Variants in CCDC7 observed in about 807,000 individuals in gnomAD.
CCDC7 encodes the protein coiled-coil domain-containing protein 7.
A neutral mutation model predicts 196.9 loss-of-function variants in CCDC7; 183 were observed. That is an observed-to-expected ratio of 0.93 (90% CI 0.82 to 1.05). The LOEUF is 1.05. CCDC7 is among the 50% of genes least tolerant of loss of function. The pLI is 0.00. For missense variants in CCDC7, 1,540 were observed against 1,482.2 expected, an observed-to-expected ratio of 1.04 and a Z score of -0.64; for synonymous variants, 525 against 484.6, an observed-to-expected ratio of 1.08 and a Z score of -1.10.
At chr10:32,620,536 T>G (rs985065833) in intron 18 of CCDC7, among the ~76,000 whole-genome samples, 1 of 152,108 alleles carries the variant, frequency 6.6e-6, no homozygotes, top group African/African-American at 2.4e-5. Context: ...TCCTCCGTAA[T>G]TCTGGTACTT....
At chr10:32,712,014 G>C (rs1412339264) in intron 25 of CCDC7, among the ~76,000 whole-genome samples, 7 of 152,148 alleles carry the variant, frequency 4.6e-5, no homozygotes, top group Admixed American at 1.3e-4. Context: ...CCTCTCATCT[G>C]CTGCTGGCCA....
intron 13 of CCDC7, among the ~76,000 whole-genome samples, chr10:32,555,976 G>T (rs1403943489): frequency 2.6e-5 from 4 of 152,158 alleles, no homozygotes; most frequent in Non-Finnish European, 4.4e-5. Context: ...ATCCCTAGTA[G>T]CAAGAGATTA....
intron 8 of CCDC7, among the ~76,000 whole-genome samples, chr10:32,476,674 C>T (rs1212186574): frequency 1.3e-5 from 2 of 152,156 alleles, no homozygotes; most frequent in African/African-American, 4.8e-5. Flanking sequence ...TGCATTCCCC[C>T]CTGCAATTGA....
At chr10:32,477,737 T>C (rs1296987741) in intron 8 of CCDC7, among the ~76,000 whole-genome samples, 1 of 152,206 alleles carries the variant, frequency 6.6e-6, no homozygotes, top group African/African-American at 2.4e-5. Flanking sequence ...CATGTCTTGA[T>C]TACTTTAGCT....
chr10:32,743,704 G>A (rs994921384), intron 28 of CCDC7, among the ~76,000 whole-genome samples: 1 of 151,962 alleles, frequency 6.6e-6, no homozygotes, highest in Non-Finnish European at 1.5e-5. Context: ...GTTTATTGCG[G>A]CACTATTCAC....
At chr10:32,595,349 G>A (rs942759801) in intron 18 of CCDC7, among the ~76,000 whole-genome samples, 1 of 152,182 alleles carries the variant, frequency 6.6e-6, no homozygotes, top group African/African-American at 2.4e-5. Flanking sequence ...GATGTTTGTA[G>A]TATTCTCTGA....
chr10:32,661,654 A>T (rs2071476962), intron 20 of CCDC7, among the ~76,000 whole-genome samples: 1 of 151,994 alleles, frequency 6.6e-6, no homozygotes, highest in Non-Finnish European at 1.5e-5. Context: ...TTGGCCCAGG[A>T]TGTGTCTAGA....
intron 31 of CCDC7, among the ~76,000 whole-genome samples, chr10:32,824,130 T>C (rs1188365402): frequency 6.6e-6 from 1 of 152,092 alleles, no homozygotes; most frequent in East Asian, 1.9e-4. Context: ...CCCTACAACA[T>C]ATATATGTTC....
chr10:32,664,942 G>A (rs2072324397), intron 21 of CCDC7, among the ~76,000 whole-genome samples: 1 of 151,994 alleles, frequency 6.6e-6, no homozygotes, highest in Non-Finnish European at 1.5e-5. Flanking sequence ...CAGTGTACAA[G>A]TGTTCCCTTC....
chr10:32,693,530 T>C (rs1044763688), intron 23 of CCDC7, among the ~76,000 whole-genome samples: 4 of 152,196 alleles, frequency 2.6e-5, no homozygotes, highest in Non-Finnish European at 5.9e-5. Flanking sequence ...TTAATTTGTT[T>C]TACAGTTACA....
chr10:32,475,870 G>T (rs1391354258), intron 8 of CCDC7, among the ~76,000 whole-genome samples: 1 of 152,054 alleles, frequency 6.6e-6, no homozygotes, highest in Non-Finnish European at 1.5e-5. Flanking sequence ...ATTTCATCTT[G>T]ATGTTGCTTC....
chr10:32,712,892 A>G lies in CCDC7; in HGVS notation c.2569+1162A>G, dbSNP rs143049360. ...TCTTTCACATAGGCCAGATGAGTCT[A>G]TTGAATACAGAAATAGTGTACAGAT... is the stretch of plus-strand genomic sequence containing the variant. On this transcript the variant is annotated intron_variant, in intron 25 of 41. Coordinates refer to ENST00000639629, the Ensembl canonical transcript of CCDC7. Among the ~76,000 whole-genome samples the G allele has an allele frequency of 6.0e-3, 909 of 152,280 alleles. 10 individuals carry two copies. The highest frequency in any genetic ancestry group is 0.021 in the African/African-American group (866 of 41,556).
At chr10:32,493,902 TAGTTG>T (rs2042512690) in intron 9 of CCDC7, among the ~76,000 whole-genome samples, 1 of 152,168 alleles carries the variant, frequency 6.6e-6, no homozygotes, top group Non-Finnish European at 1.5e-5. Context: ...TGTTTTCTTG[TAGTTG>T]AGTTGAGCTC....
intron 35 of CCDC7, 34 bp downstream of exon 36, chr10:32,845,660 G>C (rs773031709): frequency 1.3e-6 from 2 of 1,537,660 alleles, no homozygotes; most frequent in Admixed American, 1.7e-5. Flanking sequence ...TAATATTTAT[G>C]GTTTATTTAT....
At chr10:32,868,082 G>C (rs950750509) in intron 41 of CCDC7, among the ~76,000 whole-genome samples, 3 of 151,898 alleles carry the variant, frequency 2.0e-5, no homozygotes. Context: ...CCATGTTGTA[G>C]TATGTGTTGG....
At chr10:32,574,420 A>G in intron 16 of CCDC7, 1 of 1,570,848 alleles carries the variant, frequency 6.4e-7, no homozygotes, top group East Asian at 2.3e-5. Context: ...ATTTTGGGTT[A>G]CTTCTTAGAT....
rs574832313 is a variant in CCDC7, at chr10:32,623,817, G to A, written c.1802-10437G>A. 1.5e-4 allele frequency: 69 copies of A among 469,622 alleles called. 2 individuals carry two copies. The highest frequency in any genetic ancestry group is 9.3e-4 in the South Asian group (60 of 64,364). The allele number at this position is 469,622 out of a possible 1,614,324, so 29.1% of individuals were successfully genotyped here. Reference sequence around the variant, plus strand: ...TGAAGTGGGAGCAGATATGTCACACGGTGAGTGTGGGAATGAGAGAGTAAT... The same window carrying A: ...TGAAGTGGGAGCAGATATGTCACACAGTGAGTGTGGGAATGAGAGAGTAAT... On this transcript the variant is annotated intron_variant, in intron 18 of 41. Transcript: ENST00000639629.
At chr10:32,443,700 C>T (rs945471110), upstream of CCDC7, among the ~76,000 whole-genome samples, 3 of 152,074 alleles carry the variant, frequency 2.0e-5, no homozygotes. Flanking sequence ...TTTACTATAA[C>T]TTTATAACTC....
intron 32 of CCDC7, among the ~76,000 whole-genome samples, chr10:32,832,181 A>G (rs2092249805): frequency 6.6e-6 from 1 of 152,116 alleles, no homozygotes. Context: ...TTCTAGTAAG[A>G]TTAATAGGTG....
Sources: gnomAD v4.1 joint callset for allele counts (sites outside exome capture counted in the v4.1 genomes callset) on GRCh38, gnomAD v4.1.1 for gene constraint, MANE v1.5 for transcripts, NCBI Gene and HGNC (gene_info 2026-07-23, HGNC 2026-07-21) for gene names.